Variants in PCDHGA8 observed in about 807,000 individuals in gnomAD.
PCDHGA8 encodes protocadherin gamma subfamily A, 8.
Under a neutral mutation model 59.2 loss-of-function variants are expected in PCDHGA8, and 45 were observed. That is an observed-to-expected ratio of 0.76 (90% CI 0.60 to 0.98). The LOEUF is 0.98. Among genes scored for constraint, PCDHGA8 ranks in the 50% least tolerant of loss-of-function variants. The probability of loss-of-function intolerance (pLI) is 0.00; values close to 1 mark genes in which losing one functional copy is unlikely to be tolerated. For missense variants in PCDHGA8, 1,257 were observed against 1,196.2 expected (o/e 1.05, Z -0.75); for synonymous variants, 531 against 519.0 (o/e 1.02, Z -0.32).
At chr5:141,488,385 G>A (rs917106670) in intron 1 of PCDHGA8, among the ~76,000 whole-genome samples, 11 of 152,164 alleles carry the variant, frequency 7.2e-5, no homozygotes, top group Non-Finnish European at 1.5e-5. Context: ...TCCTGAATTT[G>A]GTGAAACCAT....
chr5:141,478,445 G>C (rs773567457), intron 1 of PCDHGA8: 1 of 1,613,570 alleles, frequency 6.2e-7, no homozygotes, highest in Non-Finnish European at 8.5e-7. Flanking sequence ...GAAGAAACCT[G>C]GTGCAGCCAG....
At chr5:141,507,862 G>A (rs17286954) in intron 3 of PCDHGA8, among the ~76,000 whole-genome samples, 4 of 152,076 alleles carry the variant, frequency 2.6e-5, no homozygotes, top group African/African-American at 7.2e-5. Flanking sequence ...TTTCACACCC[G>A]CTTCCTAGCC....
chr5:141,421,404 G>A, intron 1 of PCDHGA8: 17 of 1,614,080 alleles, frequency 1.1e-5, no homozygotes, highest in Non-Finnish European at 1.4e-5. Flanking sequence ...AGCCCCGGGA[G>A]CTGGCGAAGC....
At chr5:141,403,236 T>G in intron 1 of PCDHGA8, 1 of 1,613,908 alleles carries the variant, frequency 6.2e-7, no homozygotes, top group South Asian at 1.1e-5. Flanking sequence ...CGGGAGGAGC[T>G]CTGTGCTCAG....
At chr5:141,413,870 T>A (rs2095687151) in intron 1 of PCDHGA8, 1 of 1,613,268 alleles carries the variant, frequency 6.2e-7, no homozygotes, top group Admixed American at 1.7e-5. Context: ...ACTGTCCTTG[T>A]CAGTGTGACT....
At chr5:141,461,819 A>T (rs573339238) in intron 1 of PCDHGA8, among the ~76,000 whole-genome samples, 68 of 149,282 alleles carry the variant, frequency 4.6e-4, no homozygotes, top group Non-Finnish European at 9.5e-4. Flanking sequence ...ACACCCAGCT[A>T]ATTTTTTTTT....
intron 1 of PCDHGA8, chr5:141,411,661 C>T (rs2095505180): frequency 6.6e-6 from 1 of 150,762 alleles, no homozygotes; most frequent in African/African-American, 2.4e-5. Context: ...GGTGGAGAAT[C>T]TCTTGAGCGC....
intron 1 of PCDHGA8, among the ~76,000 whole-genome samples, chr5:141,484,389 G>A (rs1336850919): frequency 6.6e-6 from 1 of 152,140 alleles, no homozygotes; most frequent in Non-Finnish European, 1.5e-5. Flanking sequence ...GAATAAGAAA[G>A]GTTTGGTTTC....
intron 1 of PCDHGA8, chr5:141,399,802 C>G: frequency 3.1e-6 from 5 of 1,613,252 alleles, no homozygotes; most frequent in Non-Finnish European, 3.4e-6. Flanking sequence ...ACCGCGGGTG[C>G]TGTACCCCGC....
At chr5:141,422,202 T>C (rs1272540004) in intron 1 of PCDHGA8, 1 of 1,561,656 alleles carries the variant, frequency 6.4e-7, no homozygotes, top group Admixed American at 2.0e-5. Flanking sequence ...GCCAAGATGG[T>C]GGAGGTCTCT....
At position 141,414,245 on chromosome 5, in the gene PCDHGA8, T is replaced by G. The variant is rs760119941; in HGVS notation, c.2424+19008T>G. On this transcript the variant is annotated intron_variant, in intron 1 of 3. Transcript: ENST00000398604. ...CCAGAGCTGACCATCACGTCTCTAT[T>G]TAGTCCAGTGACTGAAGATTCACCT... 49 of 1,613,380 alleles carry G rather than the reference T, an allele frequency of 3.0e-5. 1 individual carries two copies. The highest frequency in any genetic ancestry group is 1.3e-4 in the South Asian group (12 of 90,978).
chr5:141,493,204 C>T lies in PCDHGA8; in HGVS notation c.2425-1603C>T, dbSNP rs2099746929. Among the ~76,000 whole-genome samples, 1 of 152,216 alleles carries T rather than the reference C, an allele frequency of 6.6e-6. No individual in the cohort carries two copies. Among genetic ancestry groups the T allele is most frequent in the Non-Finnish European group, 1.5e-5 (1 of 68,042 alleles). Reference sequence around the variant, plus strand: ...TATATAACTCCTTTGAGAACCTCATCTCATTTGCTCTTCCCACCATTGCTG... The same window carrying T: ...TATATAACTCCTTTGAGAACCTCATTTCATTTGCTCTTCCCACCATTGCTG... On this transcript the variant is annotated intron_variant, in intron 1 of 3. Transcript: ENST00000398604. This position sits in a 1 kb window ranked among gnomAD's most constrained non-coding sequence, Gnocchi z 4.3.
intron 1 of PCDHGA8, chr5:141,419,602 C>T (rs757423030): frequency 6.2e-7 from 1 of 1,611,874 alleles, no homozygotes; most frequent in Admixed American, 1.7e-5. Flanking sequence ...TGCCGCGGGC[C>T]GCGCAGCCAG....
At position 141,461,300 on chromosome 5, in the gene PCDHGA8, A is replaced by G. The variant is rs889981233; in HGVS notation, c.2425-33507A>G. Among the ~76,000 whole-genome samples, 10 of 152,106 alleles carry G rather than the reference A, an allele frequency of 6.6e-5. No individual in the cohort carries two copies. In the East Asian group the frequency reaches 1.4e-3, roughly 21 times the overall value. On this transcript the variant is annotated intron_variant, in intron 1 of 3. Transcript: ENST00000398604. The stretch of plus-strand genomic sequence containing the variant: ...TTTCCCCACATCCACACCAACATCT[A>G]TTGTTTTTTGACTTTTTAATAATGG...
chr5:141,450,991 AT>A (rs1351194705), intron 1 of PCDHGA8, among the ~76,000 whole-genome samples: 2 of 150,700 alleles, frequency 1.3e-5, no homozygotes, highest in Non-Finnish European at 1.5e-5. Context: ...CACCCGGCTA[AT>A]TTTTTTGTAT....
intron 1 of PCDHGA8, among the ~76,000 whole-genome samples, chr5:141,460,758 C>T (rs1292050905): frequency 6.6e-6 from 1 of 150,582 alleles, no homozygotes; most frequent in African/African-American, 2.4e-5. Context: ...TGTACATATA[C>T]ATATTGCATA....
chr5:141,414,351 G>C (rs771256149), intron 1 of PCDHGA8: 2 of 1,613,676 alleles, frequency 1.2e-6, no homozygotes, highest in Non-Finnish European at 1.7e-6. Context: ...CCATTTTGGC[G>C]TATCTACCAT....
At chr5:141,430,874 C>A in intron 1 of PCDHGA8, 2 of 1,598,990 alleles carry the variant, frequency 1.3e-6, no homozygotes, top group East Asian at 4.5e-5. Context: ...TCCGGAAGAG[C>A]TGGAGAAAGG....
At chr5:141,422,020 G>A (rs374562798) in intron 1 of PCDHGA8, 2 of 1,610,932 alleles carry the variant, frequency 1.2e-6, no homozygotes, top group Non-Finnish European at 1.7e-6. Flanking sequence ...GGTGCTGATG[G>A]TTAATGCAAC....
Sources: allele counts gnomAD v4.1 joint callset (sites outside exome capture counted in the v4.1 genomes callset), GRCh38; gene constraint gnomAD v4.1.1; non-coding constraint Gnocchi (gnomAD v3.1); transcripts MANE v1.5; gene names NCBI Gene and HGNC (gene_info 2026-07-23, HGNC 2026-07-21).